Variants in CTNNA2 observed in about 807,000 individuals in gnomAD.
The protein encoded by CTNNA2 is catenin alpha 2.
Under a neutral mutation model 101.0 loss-of-function variants are expected in CTNNA2, and 42 were observed. The observed-to-expected ratio is 0.42, with a 90% CI of 0.32 to 0.54. The LOEUF (loss-of-function observed/expected upper bound fraction) is 0.54, where lower values mean the gene tolerates loss of function less well. Ranked by LOEUF, CTNNA2 falls within the 20% of genes least tolerant of loss-of-function variation. The pLI is 0.14. For synonymous variants in CTNNA2, 450 were observed against 456.4 expected (o/e 0.99, Z 0.18); for missense variants, 871 against 1,223.1 (o/e 0.71, Z 4.29).
At chr2:79,336,188 T>C (rs1676990764) in intron 3 of CTNNA2, among the ~76,000 whole-genome samples, 1 of 152,148 alleles carries the variant, frequency 6.6e-6, no homozygotes, top group South Asian at 2.1e-4. Flanking sequence ...TCAGAAATAT[T>C]CAGAAAGATT....
intron 3 of CTNNA2, among the ~76,000 whole-genome samples, chr2:79,848,934 C>T (rs1338385199): frequency 6.6e-6 from 1 of 152,110 alleles, no homozygotes; most frequent in East Asian, 1.9e-4. Flanking sequence ...GCACTGAGAC[C>T]AGAGTCCCTG....
chr2:79,345,818 G>A (rs1015976187), intron 3 of CTNNA2, among the ~76,000 whole-genome samples: 22 of 150,262 alleles, frequency 1.5e-4, no homozygotes, highest in African/African-American at 5.4e-4. Context: ...TCAGCCTCCC[G>A]CATAGCTGGT....
At chr2:80,141,640 A>G (rs1703017050) in intron 7 of CTNNA2, among the ~76,000 whole-genome samples, 1 of 152,086 alleles carries the variant, frequency 6.6e-6, no homozygotes, top group African/African-American at 2.4e-5. Flanking sequence ...GAGTTCCACC[A>G]GTGAGATGGA....
chr2:80,339,587 A>G (rs1672049670), intron 7 of CTNNA2, among the ~76,000 whole-genome samples: 1 of 152,192 alleles, frequency 6.6e-6, no homozygotes. Context: ...AGGTACCTCA[A>G]GAATATATGT....
chr2:79,376,009 A>G (rs920917746), intron 4 of CTNNA2, among the ~76,000 whole-genome samples: 6 of 152,216 alleles, frequency 3.9e-5, no homozygotes, highest in Admixed American at 6.5e-5. Context: ...GACAATTAGC[A>G]TCAGGAACCG....
At chr2:80,261,686 G>A (rs939512218) in intron 7 of CTNNA2, among the ~76,000 whole-genome samples, 3 of 152,170 alleles carry the variant, frequency 2.0e-5, no homozygotes, top group Admixed American at 1.3e-4. Flanking sequence ...ATCACTTGTA[G>A]TAGCCATTGC....
chr2:80,511,383 G>A (rs17340129), intron 9 of CTNNA2, among the ~76,000 whole-genome samples: 3,940 of 152,290 alleles, frequency 0.026, 64 homozygotes, highest in Middle Eastern at 0.072. Flanking sequence ...TGAGCAAGAC[G>A]TTGGGATTGT....
At chr2:79,413,872 A>T (rs935881230) in intron 4 of CTNNA2, among the ~76,000 whole-genome samples, 1 of 144,896 alleles carries the variant, frequency 6.9e-6, no homozygotes, top group Admixed American at 7.0e-5. Flanking sequence ...TTTTTTGAGA[A>T]ATCTCTATTG....
rs1478904110 is a variant in CTNNA2, at chr2:80,606,408, A to AC, written c.2296-1775dup. On this transcript the variant is annotated intron_variant, in intron 16 of 18. Transcript: ENST00000402739. ...CACACACACACACACACACACACAC[A>AC]CACACCCCCCAGGATACATTTATTT... is the stretch of plus-strand genomic sequence containing the variant. Among the ~76,000 whole-genome samples the AC allele has an allele frequency of 2.6e-5, 3 of 116,218 alleles. No homozygotes were observed. In the East Asian group the frequency reaches 7.0e-4, roughly 27 times the overall value. The allele number at this position is 116,218 out of a possible 152,430, so 76.2% of individuals were successfully genotyped here.
rs2149210686 is a variant in CTNNA2 at position 80,303,701 on chromosome 2, G to A, written c.1057-89510G>A. The A allele has an allele frequency of 6.2e-7, 1 of 1,609,862 alleles. No homozygotes were observed. The highest frequency in any genetic ancestry group is 8.5e-7 in the Non-Finnish European group (1 of 1,177,824). ...CCGCCCCTCGCACCGGCACAGCTGC[G>A]GGCACCCGCTGGGGGCGGCGGGCAG... is the stretch of plus-strand genomic sequence containing the variant. On this transcript the variant is annotated intron_variant, in intron 7 of 18. Coordinates refer to ENST00000402739, the MANE Select transcript of CTNNA2 (RefSeq NM_001282597.3). The surrounding 1 kb of genome is among the most constrained non-coding windows in gnomAD (Gnocchi z 7.7).
chr2:80,323,133 G>A (rs75070353), intron 7 of CTNNA2, among the ~76,000 whole-genome samples: 4,832 of 152,264 alleles, frequency 0.032, 250 homozygotes, highest in African/African-American at 0.11. Context: ...CACACTGGTC[G>A]CACCTTTCTT....
chr2:80,474,960 G>A (rs1177418248), intron 9 of CTNNA2, among the ~76,000 whole-genome samples: 1 of 152,054 alleles, frequency 6.6e-6, no homozygotes, highest in Non-Finnish European at 1.5e-5. Flanking sequence ...TCATTCTTAA[G>A]ACCAAAAAAA....
chr2:79,476,329 C>A lies in CTNNA2; in HGVS notation c.-134-28725C>A, dbSNP rs144249342. Among the ~76,000 whole-genome samples the A allele has an allele frequency of 6.4e-3, 971 of 152,256 alleles. 10 individuals are homozygous for A. The highest frequency in any genetic ancestry group is 0.017 in the Admixed American group (267 of 15,280). On this transcript the variant is annotated intron_variant, in intron 4 of 21. Coordinates refer to the CTNNA2 transcript ENST00000466387. ...CACAGTATCTCCTCAGGTTCAGAGA[C>A]CCACAGAAGAAACAGAGAAATCCTG... is the stretch of plus-strand genomic sequence containing the variant.
At chr2:79,857,715 C>G (rs1419255993) in intron 3 of CTNNA2, among the ~76,000 whole-genome samples, 2 of 152,098 alleles carry the variant, frequency 1.3e-5, no homozygotes, top group Non-Finnish European at 1.5e-5. Flanking sequence ...TGATTAAGCT[C>G]AAGGCAAATC....
intron 7 of CTNNA2, among the ~76,000 whole-genome samples, chr2:80,052,871 G>A (rs576645341): frequency 2.0e-5 from 3 of 152,180 alleles, no homozygotes; most frequent in Non-Finnish European, 4.4e-5. Flanking sequence ...TATAAGTACA[G>A]ATGGGAGAGA....
intron 3 of CTNNA2, among the ~76,000 whole-genome samples, chr2:79,352,388 G>C (rs1413625400): frequency 6.6e-6 from 1 of 152,004 alleles, no homozygotes; most frequent in Non-Finnish European, 1.5e-5. Context: ...CTTCAAAATA[G>C]TCTCTGAAGA....
chr2:80,038,971 G>C (rs1695853684), intron 7 of CTNNA2, among the ~76,000 whole-genome samples: 1 of 152,192 alleles, frequency 6.6e-6, no homozygotes, highest in African/African-American at 2.4e-5. Flanking sequence ...GAAAGACTCA[G>C]GTAGCTGAGA....
At chr2:80,537,425 T>G (rs931775021) in intron 9 of CTNNA2, among the ~76,000 whole-genome samples, 6 of 152,188 alleles carry the variant, frequency 3.9e-5, no homozygotes, top group Non-Finnish European at 8.8e-5. Flanking sequence ...TTTATAATCC[T>G]TTGGGTATAT....
chr2:79,539,193 CA>C (rs1181321025), intron 1 of CTNNA2, among the ~76,000 whole-genome samples: 2 of 152,066 alleles, frequency 1.3e-5, no homozygotes, highest in African/African-American at 4.8e-5. Flanking sequence ...AAAACAGAAC[CA>C]ACACTATGGG....
Sources: gnomAD v4.1 joint callset for allele counts (sites outside exome capture counted in the v4.1 genomes callset) on GRCh38, gnomAD v4.1.1 for gene constraint, Gnocchi (gnomAD v3.1) non-coding constraint, MANE v1.5 for transcripts, NCBI Gene and HGNC (gene_info 2026-07-23, HGNC 2026-07-21) for gene names.